Variants in TF observed in about 807,000 individuals in gnomAD.
TF encodes transferrin, also known as serotransferrin.
A neutral mutation model predicts 82.4 loss-of-function variants in TF; 55 were observed. That is an observed-to-expected ratio of 0.67 (90% CI 0.54 to 0.84). TF has a LOEUF of 0.84. Among genes scored for constraint, TF ranks in the 40% least tolerant of loss-of-function variants. The pLI, the probability that TF is intolerant of heterozygous loss-of-function variation, is 0.00. For missense variants in TF, 737 were observed against 868.4 expected, an observed-to-expected ratio of 0.85 and a Z score of 1.90; for synonymous variants, 332 against 332.6, an observed-to-expected ratio of 1.00 and a Z score of 0.02.
At chr3:133,754,405 G>T (rs929990302) in intron 3 of TF, 90 bp from the exon 4 acceptor site, 9 of 1,376,486 alleles carry the variant, frequency 6.5e-6, no homozygotes, top group Non-Finnish European at 9.3e-6. Context: ...TGGCCTCTCC[G>T]CTCCCCTCCC....
At chr3:133,744,876 G>A (rs555802604), upstream of TF, among the ~76,000 whole-genome samples, 45 of 152,332 alleles carry the variant, frequency 3.0e-4, no homozygotes, top group African/African-American at 1.1e-3. Flanking sequence ...TATTGAATGT[G>A]TGAATTGGCC....
In TF at chr3:133,795,937, C is replaced by T. The variant is rs58728934; in HGVS notation, c.*17317C>T. On this transcript the variant is annotated 3_prime_UTR_variant, in exon 17 of 17. Coordinates refer to ENST00000402696, the MANE Select transcript of TF (RefSeq NM_001063.4). ...GTCATTTTTTTGTACTGAGCCCATG[C>T]GCCAGGCCCCAACAGACCAAACTAA... 0.044 allele frequency: 6,690 copies of T among 152,138 alleles called. 471 individuals carry two copies. Among genetic ancestry groups the T allele is most frequent in the African/African-American group, 0.15 (6,303 of 41,424 alleles). The allele number at this position is 152,138 out of a possible 1,614,324, so 9.4% of individuals were successfully genotyped here.
the TF span, among the ~76,000 whole-genome samples, chr3:133,682,268 CT>C: frequency 6.6e-6 from 1 of 152,128 alleles, no homozygotes; most frequent in Non-Finnish European, 1.5e-5. Flanking sequence ...AGCAGAAAAG[CT>C]GAAAATTCTA....
chr3:133,663,918 T>A, the TF span, among the ~76,000 whole-genome samples: 2 of 152,218 alleles, frequency 1.3e-5, no homozygotes, highest in Admixed American at 1.3e-4. Flanking sequence ...GACCTGTCTT[T>A]AGAGTAAGAG....
chr3:133,791,124 T>G lies in TF; in HGVS notation c.*12504T>G, dbSNP rs1934821298. On this transcript the variant is annotated 3_prime_UTR_variant, in exon 17 of 17. Coordinates refer to ENST00000402696, the MANE Select transcript of TF (RefSeq NM_001063.4). ...AGTTATTTTGTTCCCTATGCATTTCTAGCAAGTCATCATTTGTTCCATTTA... is the reference window on the plus strand; with the variant it reads ...AGTTATTTTGTTCCCTATGCATTTCGAGCAAGTCATCATTTGTTCCATTTA... 1.3e-5 allele frequency: 2 copies of G among 152,236 alleles called. No individual in the cohort carries two copies. Among genetic ancestry groups the G allele is most frequent in the Admixed American group, 1.3e-4 (2 of 15,274 alleles). The allele number at this position is 152,236 out of a possible 1,614,324, so 9.4% of individuals were successfully genotyped here.
In TF at chr3:133,787,564, A is replaced by G. The variant is rs1453097660; in HGVS notation, c.*8944A>G. The G allele has an allele frequency of 6.6e-6, 1 of 152,234 alleles. No homozygotes were observed. Among genetic ancestry groups the G allele is most frequent in the Non-Finnish European group, 1.5e-5 (1 of 68,026 alleles). 9.4% of individuals were successfully genotyped at this position (152,234 alleles called of 1,614,324 possible). On this transcript the variant is annotated 3_prime_UTR_variant, in exon 17 of 17. Coordinates refer to ENST00000402696, the MANE Select transcript of TF (RefSeq NM_001063.4). Reference sequence around the variant, plus strand: ...AAATAGTATAATAACACTTTTTGTAAATAGCTTTTAAAAACTGATGGGAAA... The same window carrying G: ...AAATAGTATAATAACACTTTTTGTAGATAGCTTTTAAAAACTGATGGGAAA...
chr3:133,714,639 C>T, the TF span, among the ~76,000 whole-genome samples: 1 of 152,138 alleles, frequency 6.6e-6, no homozygotes, highest in African/African-American at 2.4e-5. Context: ...CTCTCATTCT[C>T]TCCATCTCCT....
the TF span, among the ~76,000 whole-genome samples, chr3:133,688,803 G>A: frequency 6.6e-6 from 1 of 152,064 alleles, no homozygotes; most frequent in Non-Finnish European, 1.5e-5. Flanking sequence ...TTTTCAGATG[G>A]TGGAATGCCT....
the TF span, among the ~76,000 whole-genome samples, chr3:133,671,795 GAAAA>G: frequency 1.8e-4 from 10 of 54,488 alleles, no homozygotes; most frequent in African/African-American, 2.2e-4. Flanking sequence ...TCTGTCAAAA[GAAAA>G]AAAAAAAAAA....
In TF at chr3:133,746,497, C is replaced by G; in HGVS notation, c.43+14C>G. On this transcript the variant is annotated intron_variant, in intron 1 of 16. Transcript: ENST00000402696. ...GCGCCGTCCTGGGTGAGTGCGGGCA[C>G]GGGGTAGCACCGCAGAGTCGCTGGC... 6.3e-7 allele frequency: 1 copy of G among 1,593,250 alleles called. No individual in the cohort carries two copies. Among genetic ancestry groups the G allele is most frequent in the Non-Finnish European group, 8.5e-7 (1 of 1,175,306 alleles).
At chr3:133,737,697 A>G in the TF span, among the ~76,000 whole-genome samples, 1 of 152,366 alleles carries the variant, frequency 6.6e-6, no homozygotes, top group South Asian at 2.1e-4. Flanking sequence ...CTATGAAAAT[A>G]AACTAGAAAA....
chr3:133,723,843 C>T, the TF span, among the ~76,000 whole-genome samples: 1 of 151,412 alleles, frequency 6.6e-6, no homozygotes, highest in Non-Finnish European at 1.5e-5. Context: ...GTATGATGTT[C>T]CCCTTCCTGT....
At chr3:133,676,579 G>A in the TF span, among the ~76,000 whole-genome samples, 1 of 152,154 alleles carries the variant, frequency 6.6e-6, no homozygotes, top group Admixed American at 6.5e-5. Context: ...GGGGTGAAGG[G>A]CAGAGCAAGA....
At chr3:133,667,406 A>T in the TF span, among the ~76,000 whole-genome samples, 1 of 152,162 alleles carries the variant, frequency 6.6e-6, no homozygotes, top group Admixed American at 6.6e-5. Flanking sequence ...AGGTTGGAAA[A>T]GCTGACTTCA....
Position 133,788,302 on chromosome 3 carries a change from C to G in TF, c.*9682C>G, listed in dbSNP as rs1033130171. On this transcript the variant is annotated 3_prime_UTR_variant, in exon 17 of 17. Coordinates refer to ENST00000402696, the MANE Select transcript of TF (RefSeq NM_001063.4). ...GTATACTAAGTAAATGACTTTGTAA[C>G]TTTATTTCATCCTCTTCATTTACAT... The G allele has an allele frequency of 5.9e-5, 9 of 152,158 alleles. No homozygotes were observed. Among genetic ancestry groups the G allele is most frequent in the African/African-American group, 1.9e-4 (8 of 41,430 alleles). The allele number at this position is 152,158 out of a possible 1,614,324, so 9.4% of individuals were successfully genotyped here.
At chr3:133,674,120 G>A in the TF span, among the ~76,000 whole-genome samples, 2 of 152,162 alleles carry the variant, frequency 1.3e-5, no homozygotes, top group Non-Finnish European at 2.9e-5. Context: ...GTATATGAGA[G>A]CGCGTGCTTT....
At chr3:133,754,812 C>G in intron 4 of TF, 141 bp downstream of exon 4, 4 of 958,788 alleles carry the variant, frequency 4.2e-6, no homozygotes, top group Non-Finnish European at 6.7e-6. Context: ...TTTAAACTGG[C>G]AGGTCTGCTG....
the TF span, among the ~76,000 whole-genome samples, chr3:133,674,905 T>C: frequency 6.6e-6 from 1 of 152,096 alleles, no homozygotes; most frequent in African/African-American, 2.4e-5. Flanking sequence ...TGCGGCTTGA[T>C]GTTGTATACA....
chr3:133,697,984 A>G, the TF span, among the ~76,000 whole-genome samples: 3 of 152,214 alleles, frequency 2.0e-5, no homozygotes, highest in Non-Finnish European at 2.9e-5. Flanking sequence ...TAGGCAGCAT[A>G]TAGGCCACAT....
Sources: allele counts gnomAD v4.1 joint callset (sites outside exome capture counted in the v4.1 genomes callset), GRCh38; gene constraint gnomAD v4.1.1; transcripts MANE v1.5; gene names NCBI Gene and HGNC (gene_info 2026-07-23, HGNC 2026-07-21).